Variants in RPS6KA3 observed in about 807,000 individuals in gnomAD.
The protein encoded by RPS6KA3 is ribosomal protein S6 kinase A3, also known as ribosomal protein S6 kinase alpha-3.
In RPS6KA3, 4 loss-of-function variants were observed where a neutral mutation model predicts 67.2. The observed-to-expected ratio is 0.06, with a 90% CI of 0.03 to 0.14. The LOEUF is 0.14. RPS6KA3 is among the 10% of genes least tolerant of loss of function. The pLI is 1.00. For missense variants in RPS6KA3, 204 were observed against 559.0 expected (o/e 0.36, Z 6.40); for synonymous variants, 182 against 183.7 (o/e 0.99, Z 0.07).
intron 14 of RPS6KA3, among the ~76,000 whole-genome samples, chrX:20,173,388 T>C (rs2067620154): frequency 1.8e-5 from 2 of 112,098 alleles, no homozygotes; most frequent in Non-Finnish European, 3.8e-5. Flanking sequence ...TTGCAAGCAA[T>C]ACCTGTTATC....
chrX:20,193,900 T>C (rs1437815558), intron 6 of RPS6KA3, among the ~76,000 whole-genome samples: 1 of 112,536 alleles, frequency 8.9e-6, no homozygotes, highest in East Asian at 2.7e-4. Flanking sequence ...TTAAAATGCA[T>C]GCTTAATTTC....
chrX:20,198,189 A>G (rs954035606), intron 4 of RPS6KA3, among the ~76,000 whole-genome samples: 13 of 112,143 alleles, frequency 1.2e-4, no homozygotes, highest in African/African-American at 4.2e-4. Flanking sequence ...GGAAATGACA[A>G]TAATGGAAAA....
chrX:20,179,239 T>C (rs1255161410), intron 10 of RPS6KA3, among the ~76,000 whole-genome samples: 2 of 112,007 alleles, frequency 1.8e-5, no homozygotes, highest in Non-Finnish European at 3.8e-5. Flanking sequence ...CAAATAAAGA[T>C]ACATTTAGTT....
chrX:20,230,602 T>A (rs1603430147), intron 2 of RPS6KA3, among the ~76,000 whole-genome samples: 2 of 111,240 alleles, frequency 1.8e-5, no homozygotes, highest in Admixed American at 1.9e-4. Flanking sequence ...AGAGAGGATG[T>A]GGAGAGAAGT....
intron 14 of RPS6KA3, 91 bp from the exon 15 acceptor site, chrX:20,172,962 T>C (rs762810072): frequency 3.0e-4 from 217 of 726,173 alleles, no homozygotes; most frequent in Non-Finnish European, 4.4e-4. Flanking sequence ...GCATTGTTGA[T>C]GCCCTACATA....
At chrX:20,234,512 A>G (rs1047673859) in intron 2 of RPS6KA3, among the ~76,000 whole-genome samples, 1 of 111,709 alleles carries the variant, frequency 9.0e-6, no homozygotes, top group African/African-American at 3.3e-5. Context: ...CATAAGCTTT[A>G]GGCACTAATG....
intron 2 of RPS6KA3, among the ~76,000 whole-genome samples, chrX:20,233,386 T>A (rs1013323378): frequency 9.0e-6 from 1 of 110,698 alleles, no homozygotes; most frequent in Non-Finnish European, 1.9e-5. Flanking sequence ...AGGGGAAAAT[T>A]ACATTAAATA....
At chrX:20,160,450 A>G (rs768126203) in intron 20 of RPS6KA3, among the ~76,000 whole-genome samples, 5 of 111,451 alleles carry the variant, frequency 4.5e-5, no homozygotes, top group Non-Finnish European at 9.4e-5. Flanking sequence ...TTTTTTTGAG[A>G]CAGTCTTGCT....
At chrX:20,258,994 A>T (rs746983953) in intron 1 of RPS6KA3, among the ~76,000 whole-genome samples, 1 of 111,785 alleles carries the variant, frequency 8.9e-6, no homozygotes, top group African/African-American at 3.2e-5. Context: ...TATGCAGGGC[A>T]GGTAATGTCA....
chrX:20,255,557 C>T (rs6629373), intron 1 of RPS6KA3, among the ~76,000 whole-genome samples: 15 of 110,806 alleles, frequency 1.4e-4, no homozygotes, highest in Non-Finnish European at 2.5e-4. Flanking sequence ...GAGGCCAAGG[C>T]GGGCGGATCA....
chrX:20,234,950 T>C, intron 1 of RPS6KA3, 136 bp from the exon 2 acceptor site: 1 of 490,157 alleles, frequency 2.0e-6, no homozygotes, highest in Non-Finnish European at 3.7e-6. Flanking sequence ...AGAACCACCA[T>C]ATGAGTATGC....
intron 2 of RPS6KA3, among the ~76,000 whole-genome samples, chrX:20,214,227 T>C (rs2068789177): frequency 9.2e-6 from 1 of 108,925 alleles, no homozygotes. Flanking sequence ...ACAGCTATCA[T>C]CTTGGGATAG....
chrX:20,165,598 C>A (rs2067414535), intron 17 of RPS6KA3, among the ~76,000 whole-genome samples: 2 of 111,365 alleles, frequency 1.8e-5, no homozygotes. Flanking sequence ...ATGAATGAGC[C>A]ATAAGAACAG....
At chrX:20,254,136 C>G (rs2069965257) in intron 1 of RPS6KA3, among the ~76,000 whole-genome samples, 1 of 112,030 alleles carries the variant, frequency 8.9e-6, no homozygotes, top group Non-Finnish European at 1.9e-5. Context: ...TGCATTTTTA[C>G]TTCTTCAAAT....
intron 1 of RPS6KA3, among the ~76,000 whole-genome samples, chrX:20,243,748 C>A (rs1259671537): frequency 1.8e-5 from 2 of 110,596 alleles, no homozygotes; most frequent in African/African-American, 6.6e-5. Flanking sequence ...CCCGTCTCGG[C>A]CTCCCAAAGC....
At chrX:20,255,518 G>A (rs773841772) in intron 1 of RPS6KA3, among the ~76,000 whole-genome samples, 1 of 111,944 alleles carries the variant, frequency 8.9e-6, no homozygotes, top group East Asian at 2.8e-4. Context: ...TGGGTAAGGT[G>A]GCTCATGCCT....
intron 10 of RPS6KA3, among the ~76,000 whole-genome samples, chrX:20,182,398 T>C (rs189167449): frequency 1.2e-3 from 134 of 112,172 alleles, no homozygotes; most frequent in Non-Finnish European, 2.0e-3. Context: ...TTTTCTTTGT[T>C]GTATGGCATA....
At chrX:20,227,529 T>C (rs1440471100) in intron 2 of RPS6KA3, among the ~76,000 whole-genome samples, 1 of 111,585 alleles carries the variant, frequency 9.0e-6, no homozygotes, top group East Asian at 2.8e-4. Context: ...TAAAAAAATC[T>C]CTAAAAGCTT....
chrX:20,267,029 T>G (rs2147100298), upstream of RPS6KA3: 1 of 750,856 alleles, frequency 1.3e-6, no homozygotes, highest in East Asian at 1.6e-4. Context: ...ACATGGCGCC[T>G]AAGCGATACC....
Sources: gnomAD v4.1 joint callset for allele counts (sites outside exome capture counted in the v4.1 genomes callset) on GRCh38, gnomAD v4.1.1 for gene constraint, MANE v1.5 for transcripts, NCBI Gene and HGNC (gene_info 2026-07-23, HGNC 2026-07-21) for gene names.